Variants in ACTR3B observed in about 807,000 individuals in gnomAD.
The protein encoded by ACTR3B is actin-related protein 3B.
Under a neutral mutation model 59.0 loss-of-function variants are expected in ACTR3B, and 8 were observed. The ratio of observed to expected loss-of-function variants is 0.14; its 90% CI spans 0.08 to 0.24. The LOEUF is 0.24. Ranked by LOEUF, ACTR3B falls within the 10% of genes least tolerant of loss-of-function variation. ACTR3B has a pLI of 1.00. For synonymous variants in ACTR3B, 148 were observed against 197.9 expected, an observed-to-expected ratio of 0.75 and a Z score of 2.12; for missense variants, 245 against 552.3, an observed-to-expected ratio of 0.44 and a Z score of 5.58.
At chr7:152,768,977 C>T (rs1212346326) in intron 1 of ACTR3B, among the ~76,000 whole-genome samples, 2 of 151,754 alleles carry the variant, frequency 1.3e-5, no homozygotes, top group South Asian at 4.2e-4. Context: ...CTCAGCCTCC[C>T]GAGGAGCTGG....
chr7:152,849,132 A>G (rs551902210), intron 9 of ACTR3B, among the ~76,000 whole-genome samples: 49 of 152,304 alleles, frequency 3.2e-4, no homozygotes, highest in South Asian at 8.3e-4. Context: ...GAGAAAGCAA[A>G]CAAGTACATA....
intron 5 of ACTR3B, among the ~76,000 whole-genome samples, chr7:152,815,246 A>T (rs570059365): frequency 6.6e-6 from 1 of 152,300 alleles, no homozygotes; most frequent in South Asian, 2.1e-4. Context: ...GAGGAGGAAA[A>T]GTTCCATAGA....
intron 9 of ACTR3B, among the ~76,000 whole-genome samples, chr7:152,835,263 G>A (rs1030039260): frequency 6.6e-6 from 1 of 152,214 alleles, no homozygotes; most frequent in African/African-American, 2.4e-5. Flanking sequence ...CCAGGCGTAA[G>A]CGTCTCATGG....
At chr7:152,791,230 T>C (rs1447969035) in intron 2 of ACTR3B, among the ~76,000 whole-genome samples, 5 of 152,100 alleles carry the variant, frequency 3.3e-5, no homozygotes, top group African/African-American at 9.7e-5. Flanking sequence ...AGTCTGGTCT[T>C]GAACTCCTGG....
At chr7:152,782,964 A>G (rs1388175991) in intron 1 of ACTR3B, among the ~76,000 whole-genome samples, 1 of 151,484 alleles carries the variant, frequency 6.6e-6, no homozygotes, top group Non-Finnish European at 1.5e-5. Context: ...CTTTTTTTCT[A>G]CTAGAAACAA....
Position 152,817,714 on chromosome 7 carries a change from G to T in ACTR3B, c.540+1126G>T, listed in dbSNP as rs562406648. ...ATGTTTCTGCATATGTATATGGGGGGGTGTGTATGTGTATATATTTACATA... is the reference window on the plus strand; with the variant it reads ...ATGTTTCTGCATATGTATATGGGGGTGTGTGTATGTGTATATATTTACATA... On this transcript the variant is annotated intron_variant, in intron 6 of 11. Coordinates refer to ENST00000256001, the MANE Select transcript of ACTR3B (RefSeq NM_020445.6). 2.9e-3 allele frequency among the ~76,000 whole-genome samples: 446 copies of T among 151,838 alleles called. 3 individuals are homozygous for T. The highest frequency in any genetic ancestry group is 9.8e-3 in the African/African-American group (407 of 41,384).
At chr7:152,770,713 A>G (rs1179549961) in intron 1 of ACTR3B, among the ~76,000 whole-genome samples, 9 of 149,410 alleles carry the variant, frequency 6.0e-5, no homozygotes, top group Admixed American at 2.0e-4. Context: ...TGTTCAGCCA[A>G]TTCTTCTAAA....
chr7:152,837,749 C>T (rs1402765471), intron 9 of ACTR3B, among the ~76,000 whole-genome samples: 3 of 152,194 alleles, frequency 2.0e-5, no homozygotes, highest in African/African-American at 7.2e-5. Context: ...ACCTGTCACA[C>T]TGAGAAATGG....
intron 9 of ACTR3B, among the ~76,000 whole-genome samples, chr7:152,851,612 C>A (rs890201207): frequency 2.6e-5 from 4 of 152,204 alleles, no homozygotes; most frequent in Admixed American, 6.5e-5. Context: ...GGGTGGCCAC[C>A]GAGCGAGTCT....
chr7:152,852,369 C>CCGCGTAAAATAAA (rs1798883888), intron 10 of ACTR3B, 118 bp downstream of exon 10: 2 of 1,289,794 alleles, frequency 1.6e-6, no homozygotes, highest in Non-Finnish European at 2.1e-6. Flanking sequence ...AACAAGTGTT[C>CCGCGTAAAATAAA]ATCGCTTTCT....
At chr7:152,843,499 T>C (rs1192489994) in intron 9 of ACTR3B, among the ~76,000 whole-genome samples, 1 of 152,248 alleles carries the variant, frequency 6.6e-6, no homozygotes, top group Non-Finnish European at 1.5e-5. Flanking sequence ...TGACCACATA[T>C]GCATAGCACT....
intron 9 of ACTR3B, among the ~76,000 whole-genome samples, chr7:152,832,178 G>T (rs1052691391): frequency 4.6e-5 from 7 of 152,096 alleles, no homozygotes; most frequent in Non-Finnish European, 8.8e-5. Flanking sequence ...GGGAGGAAAA[G>T]GTTCAGGGTT....
Position 152,825,973 on chromosome 7 carries a change from G to A in ACTR3B, c.951+851G>A, listed in dbSNP as rs1458008689. On this transcript the variant is annotated intron_variant, in intron 9 of 11. Coordinates refer to ENST00000256001, the MANE Select transcript of ACTR3B (RefSeq NM_020445.6). ...TCCTACTGACAGCCCGAGATGGTGA[G>A]CAGGAGGTGATGGGCAATTAGCCTT... Among the ~76,000 whole-genome samples the A allele has an allele frequency of 4.6e-5, 7 of 152,200 alleles. 1 individual carries two copies. Among genetic ancestry groups the A allele is most frequent in the African/African-American group, 1.7e-4 (7 of 41,476 alleles).
At chr7:152,773,738 A>G (rs1313202740) in intron 1 of ACTR3B, among the ~76,000 whole-genome samples, 1 of 152,230 alleles carries the variant, frequency 6.6e-6, no homozygotes, top group Non-Finnish European at 1.5e-5. Flanking sequence ...GTTTGATTTT[A>G]TCATTGTACT....
intron 1 of ACTR3B, among the ~76,000 whole-genome samples, chr7:152,782,201 T>C (rs2116609735): frequency 6.6e-6 from 1 of 150,710 alleles, no homozygotes; most frequent in African/African-American, 2.4e-5. Context: ...TTTTTAAAAT[T>C]GAATGAATAA....
chr7:152,832,243 C>T (rs1453435671), intron 9 of ACTR3B, among the ~76,000 whole-genome samples: 12 of 151,970 alleles, frequency 7.9e-5, no homozygotes, highest in East Asian at 1.9e-4. Context: ...GATACAGGAG[C>T]GGGGCACCCT....
chr7:152,769,962 A>C (rs1053909826), intron 1 of ACTR3B, among the ~76,000 whole-genome samples: 1 of 151,938 alleles, frequency 6.6e-6, no homozygotes, highest in Non-Finnish European at 1.5e-5. Context: ...TTCATGTTGC[A>C]TTGGACCTGT....
chr7:152,853,486 T>C lies in ACTR3B; in HGVS notation c.1078-8T>C, dbSNP rs779091392. 6.2e-7 allele frequency: 1 copy of C among 1,613,622 alleles called. No homozygotes were observed. Among genetic ancestry groups the C allele is most frequent in the South Asian group, 1.1e-5 (1 of 90,956 alleles). On this transcript the variant is annotated splice_region_variant and splice_polypyrimidine_tract_variant and intron_variant, in intron 10 of 11. Coordinates refer to ENST00000256001, the MANE Select transcript of ACTR3B (RefSeq NM_020445.6). ...TGTGGGGTAAGTGAGAGCTGCTTTC[T>C]CTTCCAGCCGAAGCCTGTGGAGGTC...
intron 9 of ACTR3B, among the ~76,000 whole-genome samples, chr7:152,847,176 G>A (rs190240151): frequency 1.3e-5 from 2 of 151,566 alleles, no homozygotes; most frequent in East Asian, 2.0e-4. Flanking sequence ...TCTAGTGCCC[G>A]GGCTGTAGTC....
Sources: allele counts gnomAD v4.1 joint callset (sites outside exome capture counted in the v4.1 genomes callset), GRCh38; gene constraint gnomAD v4.1.1; transcripts MANE v1.5; gene names NCBI Gene and HGNC (gene_info 2026-07-23, HGNC 2026-07-21).